Variants in PCDH15 observed in about 807,000 individuals in gnomAD.
The protein encoded by PCDH15 is protocadherin-15.
In PCDH15, 129 loss-of-function variants were observed where a neutral mutation model predicts 178.5. The observed-to-expected ratio is 0.72, with a 90% CI of 0.63 to 0.84. The LOEUF (loss-of-function observed/expected upper bound fraction) is 0.84. Among genes scored for constraint, PCDH15 ranks in the 40% least tolerant of loss-of-function variants. The pLI, the probability that PCDH15 is intolerant of heterozygous loss-of-function variation, is 0.00. For missense variants in PCDH15, 2,230 were observed against 2,099.9 expected (o/e 1.06, Z -1.21); for synonymous variants, 800 against 732.0 (o/e 1.09, Z -1.50).
Position 54,398,751 on chromosome 10 carries a change from A to C in PCDH15, c.158-19809T>G, listed in dbSNP as rs527559808. Among the ~76,000 whole-genome samples the C allele has an allele frequency of 1.4e-3, 220 of 152,210 alleles. 1 individual carries two copies. Among genetic ancestry groups the C allele is most frequent in the African/African-American group, 5.1e-3 (212 of 41,568 alleles). On this transcript the variant is annotated intron_variant, in intron 3 of 37. Coordinates refer to ENST00000644397, the MANE Select transcript of PCDH15 (RefSeq NM_001384140.1). Reference sequence around the variant, plus strand: ...TTTGTTGTTTTAAATCAGAAAAAAAACCCCAAATATTCTGGTAGCCTAGAA... The same window carrying C: ...TTTGTTGTTTTAAATCAGAAAAAAACCCCCAAATATTCTGGTAGCCTAGAA...
intron 2 of PCDH15, among the ~76,000 whole-genome samples, chr10:54,585,310 G>A (rs1034341146): frequency 3.3e-5 from 5 of 152,056 alleles, no homozygotes; most frequent in African/African-American, 7.2e-5. Flanking sequence ...ATGAATTACC[G>A]TTTCCCAACT....
intron 1 of PCDH15, among the ~76,000 whole-genome samples, chr10:54,798,911 G>C (rs956467198): frequency 2.6e-5 from 4 of 152,032 alleles, no homozygotes; most frequent in African/African-American, 9.7e-5. Context: ...GTCTGAAATT[G>C]TATCTGCACA....
At chr10:54,772,538 A>T (rs1286807334) in intron 1 of PCDH15, among the ~76,000 whole-genome samples, 1 of 152,162 alleles carries the variant, frequency 6.6e-6, no homozygotes, top group African/African-American at 2.4e-5. Flanking sequence ...TGATCATTAG[A>T]TAAATGCAAA....
chr10:55,622,004 T>C (rs1837402527), intron 2 of PCDH15, among the ~76,000 whole-genome samples: 2 of 142,960 alleles, frequency 1.4e-5, no homozygotes, highest in Non-Finnish European at 3.0e-5. Flanking sequence ...TATTTATATA[T>C]GTATATATAA....
At chr10:54,931,506 T>C (rs966619724) in intron 2 of PCDH15, among the ~76,000 whole-genome samples, 1 of 152,164 alleles carries the variant, frequency 6.6e-6, no homozygotes, top group African/African-American at 2.4e-5. Context: ...AGCAGATGGA[T>C]ACCTTGGTGT....
intron 2 of PCDH15, among the ~76,000 whole-genome samples, chr10:55,357,186 A>G (rs1845101402): frequency 6.6e-6 from 1 of 151,976 alleles, no homozygotes; most frequent in Admixed American, 6.6e-5. Flanking sequence ...TGAAAAATGA[A>G]ATTATATTGA....
intron 2 of PCDH15, among the ~76,000 whole-genome samples, chr10:55,535,091 C>A (rs897458614): frequency 6.6e-6 from 1 of 151,888 alleles, no homozygotes; most frequent in Admixed American, 6.6e-5. Context: ...TGAAAAACTA[C>A]CTATTGGGTA....
chr10:54,579,756 A>G (rs550774704), intron 2 of PCDH15, among the ~76,000 whole-genome samples: 2 of 152,126 alleles, frequency 1.3e-5, no homozygotes, highest in South Asian at 4.1e-4. Context: ...AATAAACACA[A>G]AAAATTAAAA....
At chr10:54,454,192 AT>A (rs2076666660) in intron 3 of PCDH15, among the ~76,000 whole-genome samples, 1 of 149,376 alleles carries the variant, frequency 6.7e-6, no homozygotes, top group Non-Finnish European at 1.5e-5. Flanking sequence ...TATATATTTA[AT>A]TTTTAATTAC....
intron 2 of PCDH15, among the ~76,000 whole-genome samples, chr10:54,602,252 ATTC>A (rs2092573185): frequency 6.6e-6 from 1 of 151,910 alleles, no homozygotes; most frequent in Middle Eastern, 3.2e-3. Context: ...CAAAGTATTT[ATTC>A]TTATTATTAT....
intron 28 of PCDH15, among the ~76,000 whole-genome samples, chr10:53,849,865 A>G (rs930796359): frequency 5.1e-5 from 7 of 138,610 alleles, no homozygotes; most frequent in African/African-American, 2.3e-4. Flanking sequence ...CGTCTCAAAA[A>G]AAAAAAAAAA....
chr10:55,559,196 A>G (rs900237428), intron 2 of PCDH15, among the ~76,000 whole-genome samples: 5 of 152,074 alleles, frequency 3.3e-5, no homozygotes, highest in Non-Finnish European at 2.9e-5. Flanking sequence ...CCATGTCCCA[A>G]ATAGAACCAA....
At chr10:54,015,996 G>C (rs1454725648) in intron 20 of PCDH15, among the ~76,000 whole-genome samples, 1 of 152,112 alleles carries the variant, frequency 6.6e-6, no homozygotes, top group Non-Finnish European at 1.5e-5. Context: ...TACAGAATGG[G>C]TGAAAATGCT....
At chr10:54,479,317 C>T (rs2078524900) in intron 3 of PCDH15, among the ~76,000 whole-genome samples, 1 of 151,998 alleles carries the variant, frequency 6.6e-6, no homozygotes, top group East Asian at 1.9e-4. Flanking sequence ...AGTGATGCTG[C>T]ATGTCTGGTT....
At position 55,111,661 on chromosome 10, in the gene PCDH15, T is replaced by C. The variant is rs547920083; in HGVS notation, c.-80+54915A>G. Among the ~76,000 whole-genome samples, 9 of 152,152 alleles carry C rather than the reference T, an allele frequency of 5.9e-5. No homozygotes were observed. In the East Asian group the frequency reaches 1.2e-3, roughly 20 times the overall value. On this transcript the variant is annotated intron_variant, in intron 2 of 5. Coordinates refer to the PCDH15 transcript ENST00000458638. ...GAGTTCAAGACCAGCCTGACCAACA[T>C]TAAGAAACCCCATCTCTACTAAAAA... is the stretch of plus-strand genomic sequence containing the variant.
rs570732463 is a variant in PCDH15 at position 55,451,820 on chromosome 10, TCTAA to T, written c.-156+175801_-156+175804del. On this transcript the variant is annotated intron_variant, in intron 2 of 5. Coordinates refer to the PCDH15 transcript ENST00000613346. ...TACACATCTATCTATTACCTATTTA[TCTAA>T]CTATGTTTAATGATTATCTGATTGT... is the stretch of plus-strand genomic sequence containing the variant. Among the ~76,000 whole-genome samples the T allele has an allele frequency of 9.8e-5, 15 of 152,312 alleles. No individual in the cohort carries two copies. The South Asian group carries it at 3.1e-3, about 32-fold the overall frequency.
At chr10:55,049,288 T>C (rs1171268600) in intron 2 of PCDH15, among the ~76,000 whole-genome samples, 1 of 151,944 alleles carries the variant, frequency 6.6e-6, no homozygotes, top group African/African-American at 2.4e-5. Flanking sequence ...CCTATTTGTG[T>C]ATGTCACTTT....
rs1842075841 is a variant in PCDH15, at chr10:55,555,650, A to T, written c.-156+71975T>A. 2.6e-5 allele frequency among the ~76,000 whole-genome samples: 4 copies of T among 152,170 alleles called. No homozygotes were observed. In the South Asian group the frequency reaches 8.3e-4, roughly 32 times the overall value. The stretch of plus-strand genomic sequence containing the variant: ...AATTATTAAGGAGAAATGTAACTAT[A>T]GATGTAGAAAATATCCTATCTTTGA... On this transcript the variant is annotated intron_variant, in intron 2 of 5. Transcript: ENST00000613346.
At chr10:53,882,198 C>T (rs750948920) in intron 26 of PCDH15, among the ~76,000 whole-genome samples, 8 of 152,132 alleles carry the variant, frequency 5.3e-5, no homozygotes, top group Non-Finnish European at 1.0e-4. Context: ...TGGCTCCTTG[C>T]TTCTAGCACT....
Sources: allele counts gnomAD v4.1 joint callset (sites outside exome capture counted in the v4.1 genomes callset), GRCh38; gene constraint gnomAD v4.1.1; transcripts MANE v1.5; gene names NCBI Gene and HGNC (gene_info 2026-07-23, HGNC 2026-07-21).